The following AASDH variants were observed in gnomAD, a reference collection of about 807,000 sequenced individuals.
The protein encoded by AASDH is aminoadipate-semialdehyde dehydrogenase.
AASDH carries 81 observed loss-of-function variants against 102.3 expected under a neutral mutation model. The observed-to-expected ratio is 0.79, with a 90% confidence interval of 0.66 to 0.95. The LOEUF is 0.95. Among genes scored for constraint, AASDH ranks in the 40% least tolerant of loss-of-function variants. AASDH has a pLI of 0.00. For missense variants in AASDH, 1,203 were observed against 1,266.2 expected (o/e 0.95, Z 0.76); for synonymous variants, 398 against 454.0 (o/e 0.88, Z 1.57).
intron 8 of AASDH, among the ~76,000 whole-genome samples, 181 bp downstream of exon 8, chr4:56,353,858 T>C (rs1021843992): frequency 6.6e-6 from 1 of 152,200 alleles, no homozygotes; most frequent in African/African-American, 2.4e-5. Context: ...ATTTAAAGAA[T>C]AACCATCTCT....
At chr4:56,363,114 C>T (rs549268289) in intron 5 of AASDH, among the ~76,000 whole-genome samples, 3 of 152,210 alleles carry the variant, frequency 2.0e-5, no homozygotes, top group African/African-American at 4.8e-5. Context: ...GCCCACGGAG[C>T]CTGGCTCATT....
In AASDH at chr4:56,371,551, G is replaced by C; in HGVS notation, c.761C>G (p.Ser254Ter). 3 of 1,613,416 alleles carry C rather than the reference G, an allele frequency of 1.9e-6. No individual in the cohort carries two copies. Among genetic ancestry groups the C allele is most frequent in the South Asian group, 1.1e-5 (1 of 90,846 alleles). The change falls in exon 5 of 15, where the codon TCA (serine) becomes TGA (stop). Residue 254 changes from serine (S) to a stop codon, truncating the protein, a stop_gained. Transcript: ENST00000205214. LOFTEE classifies it high-confidence loss of function. ...TACAATAAGCAGAGAGGCACCACTT[G>C]ATAGAGCAAGAAATATTTCCACAAC... Reference protein sequence around the residue: ...PSVVEIFLALSSGASLLIVPT... With the variant: ...PSVVEIFLAL
chr4:56,378,511 A>C, intron 3 of AASDH, 47 bp from the exon 4 acceptor site: 2 of 1,404,814 alleles, frequency 1.4e-6, no homozygotes, highest in Non-Finnish European at 1.9e-6. Context: ...ATGTTAAAAG[A>C]TATTCTTCTT....
chr4:56,345,809 G>C (rs1748264989), intron 11 of AASDH, among the ~76,000 whole-genome samples: 1 of 152,222 alleles, frequency 6.6e-6, no homozygotes, highest in South Asian at 2.1e-4. Context: ...CATTTACTAT[G>C]TGTCAGGCGT....
intron 14 of AASDH, 89 bp from the exon 15 acceptor site, chr4:56,338,880 T>C (rs1365793567): frequency 7.8e-7 from 1 of 1,283,650 alleles, no homozygotes; most frequent in Non-Finnish European, 1.1e-6. Context: ...AATGCAAATC[T>C]AAGAGATATA....
intron 8 of AASDH, 151 bp downstream of exon 8, chr4:56,353,888 C>A: frequency 1.5e-6 from 1 of 676,976 alleles, no homozygotes; most frequent in Non-Finnish European, 2.3e-6. Flanking sequence ...GGATAAGGGG[C>A]ACCCTGAATT....
chr4:56,376,531 A>T (rs1364004398), intron 4 of AASDH, among the ~76,000 whole-genome samples: 2 of 152,222 alleles, frequency 1.3e-5, no homozygotes, highest in African/African-American at 4.8e-5. Flanking sequence ...TACAACAGAC[A>T]TCTTTCTCTA....
intron 10 of AASDH, among the ~76,000 whole-genome samples, chr4:56,351,087 A>G (rs1454382123): frequency 2.0e-5 from 3 of 152,244 alleles, no homozygotes; most frequent in Non-Finnish European, 4.4e-5. Context: ...ATGTCAAAAC[A>G]GGCTTTGTCT....
chr4:56,360,338 G>T (rs115004604), intron 5 of AASDH, among the ~76,000 whole-genome samples: 1 of 152,120 alleles, frequency 6.6e-6, no homozygotes, highest in African/African-American at 2.4e-5. Context: ...TCTCAGGCTA[G>T]GGAGCTGTAG....
In AASDH at chr4:56,359,908, A is replaced by G. The variant is rs1172783747; in HGVS notation, c.862-4485T>C. On this transcript the variant is annotated intron_variant, in intron 5 of 14. Coordinates refer to ENST00000205214, the MANE Select transcript of AASDH (RefSeq NM_181806.4). ...CTTATGAGTCATCCCATGTGTAGAA[A>G]GCAAGTGATCAATCAATGATCACTA... 2.6e-5 allele frequency among the ~76,000 whole-genome samples: 4 copies of G among 152,280 alleles called. No homozygotes were observed. In the East Asian group the frequency reaches 7.7e-4, roughly 29 times the overall value.
At chr4:56,359,940 C>G (rs1750110058) in intron 5 of AASDH, among the ~76,000 whole-genome samples, 1 of 152,190 alleles carries the variant, frequency 6.6e-6, no homozygotes, top group Admixed American at 6.5e-5. Context: ...ACTAGACAGA[C>G]TGTCCAAGTG....
chr4:56,381,157 C>T (rs116656797), intron 3 of AASDH, among the ~76,000 whole-genome samples: 2,423 of 152,242 alleles, frequency 0.016, 73 homozygotes, highest in African/African-American at 0.055. Flanking sequence ...ACTAAGATTG[C>T]TAAGAAAAAT....
chr4:56,354,284 C>T lies in AASDH; in HGVS notation c.1211-73G>A. On this transcript the variant is annotated intron_variant, in intron 7 of 14. Coordinates refer to ENST00000205214, the MANE Select transcript of AASDH (RefSeq NM_181806.4). ...ATTAAAAACCATAAAATCAACATCT[C>T]CAAAAGTTCAGTGACTAAACTTCAA... 7 of 1,347,220 alleles carry T rather than the reference C, an allele frequency of 5.2e-6. No individual in the cohort carries two copies. In the East Asian group the frequency reaches 1.8e-4, roughly 35 times the overall value. 83.5% of individuals were successfully genotyped at this position (1,347,220 alleles called of 1,614,324 possible).
chr4:56,343,910 GGT>G (rs754344129), intron 12 of AASDH, among the ~76,000 whole-genome samples: 1 of 151,830 alleles, frequency 6.6e-6, no homozygotes, highest in East Asian at 1.9e-4. Context: ...TTGGGGTATG[GGT>G]GTGTGTGTCT....
chr4:56,341,559 A>AT (rs543126027), intron 14 of AASDH, among the ~76,000 whole-genome samples: 58,759 of 133,978 alleles, frequency 0.44, 13,152 homozygotes, highest in Non-Finnish European at 0.49. Flanking sequence ...CACCCAGCTA[A>AT]TTTTTTTTTT....
chr4:56,369,427 A>G (rs1395759347), intron 5 of AASDH, among the ~76,000 whole-genome samples: 1 of 152,056 alleles, frequency 6.6e-6, no homozygotes, highest in Non-Finnish European at 1.5e-5. Context: ...TCATGGAATG[A>G]CTCTCTAACA....
intron 4 of AASDH, among the ~76,000 whole-genome samples, chr4:56,373,357 G>A (rs1751964790): frequency 2.0e-5 from 3 of 151,912 alleles, no homozygotes; most frequent in South Asian, 4.2e-4. Context: ...TGATCAGGCC[G>A]GTCTCGAACT....
rs1192585283 is a variant in AASDH at position 56,343,635 on chromosome 4, G to C, written c.2702C>G (p.Ser901Cys). Residue 901 changes from serine (S) to cysteine (C), a missense_variant, in exon 13 of 15, where the codon TCT (serine) becomes TGT (cysteine). Ser to Cys is a moderately radical substitution (Grantham distance 112). Coordinates refer to ENST00000205214, the MANE Select transcript of AASDH (RefSeq NM_181806.4). ...KSKCGGTVFS[S>C]PCLNLIPHHL... ...ATGTGGAATCAGGTTCAAACACGGAGAGGAAAAGACAGTTCCTCCACATTT... is the reference window on the plus strand; with the variant it reads ...ATGTGGAATCAGGTTCAAACACGGACAGGAAAAGACAGTTCCTCCACATTT... The C allele has an allele frequency of 6.2e-7, 1 of 1,611,026 alleles. No individual in the cohort carries two copies. The highest frequency in any genetic ancestry group is 1.7e-5 in the Admixed American group (1 of 59,680).
intron 11 of AASDH, 58 bp downstream of exon 11, chr4:56,349,205 G>T: frequency 6.5e-7 from 1 of 1,546,846 alleles, no homozygotes; most frequent in Non-Finnish European, 8.8e-7. Context: ...TTGGGCCTAT[G>T]AAGATTATTG....
Sources: allele counts gnomAD v4.1 joint callset (sites outside exome capture counted in the v4.1 genomes callset), GRCh38; gene constraint gnomAD v4.1.1; transcripts MANE v1.5; gene names NCBI Gene and HGNC (gene_info 2026-07-23, HGNC 2026-07-21).